The following NGFR variants were observed in gnomAD, a reference collection of about 807,000 sequenced individuals.
NGFR encodes the protein nerve growth factor receptor.
In NGFR, 30 loss-of-function variants were observed where a neutral mutation model predicts 43.2. The observed-to-expected ratio is 0.69, with a 90% CI of 0.52 to 0.94. NGFR has a LOEUF of 0.94. NGFR is among the 40% of genes least tolerant of loss of function. The pLI, the probability that NGFR is intolerant of heterozygous loss-of-function variation, is 0.00. For synonymous variants in NGFR, 246 were observed against 259.6 expected, an observed-to-expected ratio of 0.95 and a Z score of 0.50; for missense variants, 529 against 602.5, an observed-to-expected ratio of 0.88 and a Z score of 1.28.
intron 1 of NGFR, 64 bp from the exon 2 acceptor site, chr17:49,501,999 A>ATCG: frequency 3.0e-6 from 1 of 330,984 alleles, no homozygotes; most frequent in Non-Finnish European, 5.9e-6. Flanking sequence ...TCCCCGGAAG[A>ATCG]ACCCCCCCCA....
chr17:49,506,744 G>A, intron 3 of NGFR, 86 bp downstream of exon 3: 2 of 1,322,446 alleles, frequency 1.5e-6, no homozygotes, highest in Non-Finnish European at 2.0e-6. Context: ...AGGTCGACAA[G>A]GACCCTGCCT....
In NGFR at chr17:49,506,456, C is replaced by T; in HGVS notation, c.366C>T (p.Cys122=). ...GYYQDETTGR[C]EACRVCEAGS... is the part of the protein sequence containing the mutation. Reference sequence around the variant, plus strand: ...ACCAGGATGAGACGACTGGGCGCTGCGAGGCGTGCCGCGTGTGCGAGGCGG... The same window carrying T: ...ACCAGGATGAGACGACTGGGCGCTGTGAGGCGTGCCGCGTGTGCGAGGCGG... Residue 122 remains cysteine (C), a synonymous_variant, in exon 3 of 6, where the codon TGC becomes TGT. Transcript: ENST00000172229. 2 of 1,608,728 alleles carry T rather than the reference C, an allele frequency of 1.2e-6. No individual in the cohort carries two copies. Among genetic ancestry groups the T allele is most frequent in the Non-Finnish European group, 1.7e-6 (2 of 1,178,986 alleles).
At chr17:49,508,181 G>T (rs2071210836) in intron 3 of NGFR, among the ~76,000 whole-genome samples, 1 of 152,242 alleles carries the variant, frequency 6.6e-6, no homozygotes, top group African/African-American at 2.4e-5. Context: ...CAGAGCGCAG[G>T]AAGGGTTTCA....
intron 1 of NGFR, chr17:49,496,868 G>A (rs1326904947): frequency 1.3e-5 from 2 of 152,238 alleles, no homozygotes; most frequent in African/African-American, 2.4e-5. Context: ...CGACGAGATT[G>A]TCAGATGTGG....
Position 49,506,493 on chromosome 17 carries a change from G to C in NGFR, c.403G>C (p.Val135Leu), listed in dbSNP as rs950720929. ...CRVCEAGSGL[V>L]FSCQDKQNTV... is the part of the protein sequence containing the mutation. ...CGTGTGCGAGGCGGGCTCGGGCCTC[G>C]TGTTCTCCTGCCAGGACAAGCAGAA... Residue 135 changes from valine to leucine, a missense_variant, in exon 3 of 6, where the codon GTG becomes CTG. Val to Leu is a conservative substitution (Grantham distance 32). Transcript: ENST00000172229. 1.2e-6 allele frequency: 2 copies of C among 1,610,946 alleles called. No individual in the cohort carries two copies. The highest frequency in any genetic ancestry group is 1.1e-5 in the South Asian group (1 of 91,006).
chr17:49,497,170 G>C (rs1401140737), intron 1 of NGFR: 1 of 152,242 alleles, frequency 6.6e-6, no homozygotes, highest in Non-Finnish European at 1.5e-5. Context: ...CAGCAGGGCG[G>C]GGGGGGTTGA....
At position 49,512,859 on chromosome 17, in the gene NGFR, T is replaced by A. The variant is rs1220020777; in HGVS notation, c.1134T>A (p.His378Gln). The A allele has an allele frequency of 1.9e-6, 3 of 1,613,400 alleles. No individual in the cohort carries two copies. The highest frequency in any genetic ancestry group is 2.5e-6 in the Non-Finnish European group (3 of 1,179,920). The change falls in exon 6 of 6, where the codon CAT (histidine) becomes CAA (glutamine). Residue 378 changes from histidine (H) to glutamine (Q), a missense_variant. Coordinates refer to ENST00000172229, the MANE Select transcript of NGFR (RefSeq NM_002507.4). This position sits in a 1 kb window ranked among gnomAD's most constrained non-coding sequence, Gnocchi z 5.2. ...YQPEHIDSFT[H>Q]EACPVRALLA... Reference sequence around the variant, plus strand: ...CCGAGCACATAGACTCCTTTACCCATGAGGCCTGCCCCGTTCGCGCCCTGC... The same window carrying A: ...CCGAGCACATAGACTCCTTTACCCAAGAGGCCTGCCCCGTTCGCGCCCTGC...
chr17:49,499,791 G>A (rs894514322), intron 1 of NGFR, among the ~76,000 whole-genome samples: 11 of 152,234 alleles, frequency 7.2e-5, no homozygotes, highest in African/African-American at 2.2e-4. Context: ...GTTTCACCAT[G>A]TTAGGCAGGA....
chr17:49,505,200 G>A (rs1022416012), intron 2 of NGFR, among the ~76,000 whole-genome samples: 3 of 150,522 alleles, frequency 2.0e-5, no homozygotes, highest in Non-Finnish European at 4.4e-5. Context: ...GAATAATGTT[G>A]AGACCCCCCT....
chr17:49,499,808 C>G (rs1308943909), intron 1 of NGFR, among the ~76,000 whole-genome samples: 2 of 152,046 alleles, frequency 1.3e-5, no homozygotes, highest in Non-Finnish European at 2.9e-5. Context: ...AGGATGGTCT[C>G]GATCTCCTGA....
chr17:49,509,545 A>G (rs561450458), intron 3 of NGFR, among the ~76,000 whole-genome samples: 1 of 152,130 alleles, frequency 6.6e-6, no homozygotes, highest in Non-Finnish European at 1.5e-5. Context: ...GGCAATGCCC[A>G]GCTAGCATGA....
intron 2 of NGFR, among the ~76,000 whole-genome samples, chr17:49,505,244 C>A (rs1007691907): frequency 6.6e-6 from 1 of 152,270 alleles, no homozygotes; most frequent in East Asian, 1.9e-4. Flanking sequence ...GGCGCTTTAG[C>A]CTTTCTGCTT....
chr17:49,513,720 G>C lies in NGFR; in HGVS notation c.*711G>C, dbSNP rs2071250860. 1 of 152,362 alleles carries C rather than the reference G, an allele frequency of 6.6e-6. No homozygotes were observed. The highest frequency in any genetic ancestry group is 2.4e-5 in the African/African-American group (1 of 41,458). The allele number at this position is 152,362 out of a possible 1,614,324, so 9.4% of individuals were successfully genotyped here. A position where few individuals can be genotyped will look rare whatever the true frequency, so the allele number is the denominator to read the frequency against. ...TCAGGTTTGCCTGAGGGCGAGGGGAGGGTGGCAGGTGACCTTCTGGGAAAT... is the reference window on the plus strand; with the variant it reads ...TCAGGTTTGCCTGAGGGCGAGGGGACGGTGGCAGGTGACCTTCTGGGAAAT... On this transcript the variant is annotated 3_prime_UTR_variant, in exon 6 of 6. Coordinates refer to ENST00000172229, the MANE Select transcript of NGFR (RefSeq NM_002507.4).
At chr17:49,496,283 T>G (rs1306058315) in intron 1 of NGFR, 1 of 152,218 alleles carries the variant, frequency 6.6e-6, no homozygotes, top group Admixed American at 6.5e-5. Context: ...GCGCTCCTGC[T>G]CGCGGCCTCT....
Position 49,495,505 on chromosome 17 carries a change from C to G in NGFR, c.66+22C>G. On this transcript the variant is annotated intron_variant, in intron 1 of 5. Transcript: ENST00000172229. The surrounding 1 kb of genome is among the most constrained non-coding windows in gnomAD (Gnocchi z 6.4). ...GGGGGTGAGTGTTAGCCGGAGGGGGCCCGCTCCCTTTCCCGGGATCAGAAC... is the reference window on the plus strand; with the variant it reads ...GGGGGTGAGTGTTAGCCGGAGGGGGGCCGCTCCCTTTCCCGGGATCAGAAC... 1 of 1,233,192 alleles carries G rather than the reference C, an allele frequency of 8.1e-7. No homozygotes were observed. The highest frequency in any genetic ancestry group is 1.0e-6 in the Non-Finnish European group (1 of 986,272). The allele number at this position is 1,233,192 out of a possible 1,614,324, so 76.4% of individuals were successfully genotyped here. A position where few individuals can be genotyped will look rare whatever the true frequency, so the allele number is the denominator to read the frequency against.
At chr17:49,500,782 A>G (rs904818498) in intron 1 of NGFR, among the ~76,000 whole-genome samples, 1 of 152,254 alleles carries the variant, frequency 6.6e-6, no homozygotes, top group East Asian at 1.9e-4. Context: ...TGCTGGTCTC[A>G]TGAGGACCAC....
At chr17:49,504,923 C>T (rs1237863742) in intron 2 of NGFR, among the ~76,000 whole-genome samples, 1 of 151,974 alleles carries the variant, frequency 6.6e-6, no homozygotes, top group Non-Finnish European at 1.5e-5. Flanking sequence ...AGACGTGCAC[C>T]ACTACACCCA....
intron 1 of NGFR, among the ~76,000 whole-genome samples, chr17:49,499,581 TTTTATTTA>T (rs537086070): frequency 2.0e-5 from 3 of 151,846 alleles, no homozygotes; most frequent in African/African-American, 4.8e-5. Context: ...ATTATTTTTA[TTTTATTTA>T]TTTATTTATT....
intron 2 of NGFR, 117 bp downstream of exon 2, chr17:49,502,321 T>C: frequency 1.7e-6 from 2 of 1,161,692 alleles, no homozygotes; most frequent in Non-Finnish European, 2.3e-6. Flanking sequence ...ACCACCACTG[T>C]AAGGTCATCA....
Sources: gnomAD v4.1 joint callset for allele counts (sites outside exome capture counted in the v4.1 genomes callset) on GRCh38, gnomAD v4.1.1 for gene constraint, Gnocchi (gnomAD v3.1) non-coding constraint, MANE v1.5 for transcripts, NCBI Gene and HGNC (gene_info 2026-07-23, HGNC 2026-07-21) for gene names.